PAQR9: variants seen among roughly 807,000 people sequenced by gnomAD.
PAQR9 encodes the protein progestin and adipoQ receptor family member 9.
PAQR9 carries 12 observed loss-of-function variants against 24.0 expected under a neutral mutation model. That is an observed-to-expected ratio of 0.50 (90% CI 0.32 to 0.81). The LOEUF (loss-of-function observed/expected upper bound fraction) is 0.81. Ranked by LOEUF, PAQR9 falls within the 30% of genes least tolerant of loss-of-function variation. The probability of loss-of-function intolerance (pLI) is 0.03; values close to 1 mark genes in which losing one functional copy is unlikely to be tolerated. For synonymous variants in PAQR9, 266 were observed against 237.6 expected (o/e 1.12, Z -1.10); for missense variants, 418 against 520.8 (o/e 0.80, Z 1.92).
At chr3:142,950,795 C>G (rs1297441457), downstream of PAQR9, among the ~76,000 whole-genome samples, 1 of 152,106 alleles carries the variant, frequency 6.6e-6, no homozygotes, top group African/African-American at 2.4e-5. Context: ...CTAGCAGAAG[C>G]AGAGGGATGC....
At position 142,963,538 on chromosome 3, in the gene PAQR9, C is replaced by G; in HGVS notation, c.-202G>C. 1 of 994,746 alleles carries G rather than the reference C, an allele frequency of 1.0e-6. No homozygotes were observed. The highest frequency in any genetic ancestry group is 6.0e-5 in the Admixed American group (1 of 16,724). 61.6% of individuals were successfully genotyped at this position (994,746 alleles called of 1,614,324 possible). ...TAAGAGAATCAATTAATAGGCAGCGCTGCGACCGCCAGGAGCGCGGAGCGC... is the reference window on the plus strand; with the variant it reads ...TAAGAGAATCAATTAATAGGCAGCGGTGCGACCGCCAGGAGCGCGGAGCGC... On this transcript the variant is annotated 5_prime_UTR_variant, in exon 1 of 1. Coordinates refer to ENST00000340634, the MANE Select transcript of PAQR9 (RefSeq NM_198504.4).
In PAQR9 at chr3:142,959,044, T is replaced by C. The variant is rs2108241282; in HGVS notation, c.*3159A>G. Among the ~76,000 whole-genome samples the C allele has an allele frequency of 6.6e-6, 1 of 152,302 alleles. No homozygotes were observed. The highest frequency in any genetic ancestry group is 2.4e-5 in the African/African-American group (1 of 41,564). ...GCCGCTCCTTGAGATGTCATCCAGA[T>C]CATGACTAACAAGTAAAAATGAAAC... On this transcript the variant is annotated 3_prime_UTR_variant, in exon 1 of 1. Coordinates refer to ENST00000340634, the MANE Select transcript of PAQR9 (RefSeq NM_198504.4).
chr3:142,960,249 C>T lies in PAQR9; in HGVS notation c.*1954G>A, dbSNP rs1934866750. 6.6e-6 allele frequency: 1 copy of T among 152,210 alleles called. No individual in the cohort carries two copies. The highest frequency in any genetic ancestry group is 1.5e-5 in the Non-Finnish European group (1 of 68,036). The allele number at this position is 152,210 out of a possible 1,614,324, so 9.4% of individuals were successfully genotyped here. On this transcript the variant is annotated 3_prime_UTR_variant, in exon 1 of 1. Transcript: ENST00000340634. ...CTCCAGGGAATTGTGCTGAGCTTCT[C>T]TGTTTACAGAGAAGTGATTAAAAGC... is the stretch of plus-strand genomic sequence containing the variant.
At chr3:142,953,411 C>T (rs1457598888), downstream of PAQR9, among the ~76,000 whole-genome samples, 3 of 152,004 alleles carry the variant, frequency 2.0e-5, no homozygotes, top group East Asian at 3.8e-4. Flanking sequence ...TTAAGGAAAG[C>T]GTATATAAAA....
downstream of PAQR9, chr3:142,952,911 G>A: frequency 2.2e-6 from 1 of 455,302 alleles, no homozygotes; most frequent in South Asian, 1.6e-5. Context: ...GCAGATGAAG[G>A]GAAGTATGGG....
chr3:142,963,299 T>TTTG lies in PAQR9; in HGVS notation c.35_37dup (p.Thr12dup). The TTTG allele has an allele frequency of 7.0e-7, 1 of 1,430,570 alleles. No individual in the cohort carries two copies. The highest frequency in any genetic ancestry group is 9.1e-7 in the Non-Finnish European group (1 of 1,099,598). 88.6% of individuals were successfully genotyped at this position (1,430,570 alleles called of 1,614,324 possible). On this transcript the variant is annotated inframe_insertion, in exon 1 of 1. Coordinates refer to ENST00000340634, the MANE Select transcript of PAQR9 (RefSeq NM_198504.4). Reference sequence around the variant, plus strand: ...TGCCGGGGCCGGGGCCGGAGGGCCTTTTGTGCCCGCGCCCCGGGGCTGCAG... The same window carrying TTTG: ...TGCCGGGGCCGGGGCCGGAGGGCCTTTTGTTGTGCCCGCGCCCCGGGGCTGCAG...
At position 142,963,635 on chromosome 3, in the gene PAQR9, C is replaced by T. The variant is rs1420834757; in HGVS notation, c.-299G>A. 5 of 684,014 alleles carry T rather than the reference C, an allele frequency of 7.3e-6. No individual in the cohort carries two copies. Among genetic ancestry groups the T allele is most frequent in the East Asian group, 1.4e-4 (1 of 7,358 alleles). 42.4% of individuals were successfully genotyped at this position (684,014 alleles called of 1,614,324 possible). The stretch of plus-strand genomic sequence containing the variant: ...GCCGCCCGCGCTGCGGCAGCGGCGG[C>T]GGCGCGGCTGACTGCGGCGGCAGCG... On this transcript the variant is annotated 5_prime_UTR_variant, in exon 1 of 1. Coordinates refer to ENST00000340634, the MANE Select transcript of PAQR9 (RefSeq NM_198504.4).
rs1934890301 is a variant in PAQR9, at chr3:142,961,544, G to T, written c.*659C>A. The T allele has an allele frequency of 6.5e-6, 1 of 153,414 alleles. No homozygotes were observed. Among genetic ancestry groups the T allele is most frequent in the Non-Finnish European group, 1.5e-5 (1 of 68,660 alleles). 9.5% of individuals were successfully genotyped at this position (153,414 alleles called of 1,614,324 possible). A position where few individuals can be genotyped will look rare whatever the true frequency, so the allele number is the denominator to read the frequency against. On this transcript the variant is annotated 3_prime_UTR_variant, in exon 1 of 1. Coordinates refer to ENST00000340634, the MANE Select transcript of PAQR9 (RefSeq NM_198504.4). ...AGTTCAAGTGTATGCAATGCAGAAG[G>T]CTGTGAAATTCAAAACTATGTGACA...
chr3:142,953,228 G>A (rs1195095550), downstream of PAQR9, among the ~76,000 whole-genome samples: 2 of 152,066 alleles, frequency 1.3e-5, no homozygotes, highest in Admixed American at 6.6e-5. Flanking sequence ...AGTTGGGGGT[G>A]GCTGAATGTC....
Position 142,962,274 on chromosome 3 carries a change from G to A in PAQR9, c.1063C>T (p.Leu355=), listed in dbSNP as rs1934909745. The A allele has an allele frequency of 1.2e-6, 2 of 1,614,078 alleles. No individual in the cohort carries two copies. The highest frequency in any genetic ancestry group is 1.3e-5 in the African/African-American group (1 of 74,946). ...ACCAGCCCCAGGCAGACCACCAGCA[G>A]CAGCATGTAGCCCACAGTACCCGAG... ...TFSGTVGYML[L]LVVCLGLVIR... is the part of the protein sequence containing the mutation. Residue 355 remains leucine, a synonymous_variant, in exon 1 of 1, where the codon CTG becomes TTG. Coordinates refer to ENST00000340634, the MANE Select transcript of PAQR9 (RefSeq NM_198504.4).
In PAQR9 at chr3:142,960,216, A is replaced by G. The variant is rs995925435; in HGVS notation, c.*1987T>C. ...TGTGCAAAGTAACACACACAAGGAT[A>G]CCGGTTCCTCCAGGGAATTGTGCTG... On this transcript the variant is annotated 3_prime_UTR_variant, in exon 1 of 1. Coordinates refer to ENST00000340634, the MANE Select transcript of PAQR9 (RefSeq NM_198504.4). Among the ~76,000 whole-genome samples the G allele has an allele frequency of 1.3e-5, 2 of 152,254 alleles. No individual in the cohort carries two copies. The highest frequency in any genetic ancestry group is 4.8e-5 in the African/African-American group (2 of 41,462).
chr3:142,963,428 T>C lies in PAQR9; in HGVS notation c.-92A>G, dbSNP rs1178680527. On this transcript the variant is annotated 5_prime_UTR_variant, in exon 1 of 1. Coordinates refer to ENST00000340634, the MANE Select transcript of PAQR9 (RefSeq NM_198504.4). Reference sequence around the variant, plus strand: ...CCCCCGCCGGCCGCCGTCGGAGCCTTTGTGCCCACGCCGGGGGCGTCGCTG... The same window carrying C: ...CCCCCGCCGGCCGCCGTCGGAGCCTCTGTGCCCACGCCGGGGGCGTCGCTG... 1 of 1,057,656 alleles carries C rather than the reference T, an allele frequency of 9.5e-7. No homozygotes were observed. Among genetic ancestry groups the C allele is most frequent in the South Asian group, 4.5e-5 (1 of 22,032 alleles). The allele number at this position is 1,057,656 out of a possible 1,614,324, so 65.5% of individuals were successfully genotyped here. A position where few individuals can be genotyped will look rare whatever the true frequency, so the allele number is the denominator to read the frequency against.
upstream of PAQR9, chr3:142,963,833 CCT>C (rs1426994600): frequency 7.1e-6 from 7 of 985,172 alleles, no homozygotes; most frequent in South Asian, 9.4e-5. Flanking sequence ...AGAGTTGTCC[CCT>C]GTCTCGAGTT....
rs1043690685 is a variant in PAQR9 at position 142,955,747 on chromosome 3, A to G, written c.*6456T>C. ...GAAAAGAAAACTAGCCTGTTTGAAA[A>G]GTAGACCTTCTGTGCTAGGTTTTGC... On this transcript the variant is annotated 3_prime_UTR_variant, in exon 1 of 1. Coordinates refer to ENST00000340634, the MANE Select transcript of PAQR9 (RefSeq NM_198504.4). Among the ~76,000 whole-genome samples the G allele has an allele frequency of 6.6e-6, 1 of 152,232 alleles. No individual in the cohort carries two copies. The highest frequency in any genetic ancestry group is 1.5e-5 in the Non-Finnish European group (1 of 68,050).
rs1934902672 is a variant in PAQR9, at chr3:142,962,118, A to G, written c.*85T>C. ...TTCCTTGAGCAAAGAAGAAAACACA[A>G]TGAAATTTGAAAACAAACCAACAAT... is the stretch of plus-strand genomic sequence containing the variant. On this transcript the variant is annotated 3_prime_UTR_variant, in exon 1 of 1. Coordinates refer to ENST00000340634, the MANE Select transcript of PAQR9 (RefSeq NM_198504.4). The G allele has an allele frequency of 6.9e-7, 1 of 1,441,570 alleles. No homozygotes were observed. Among genetic ancestry groups the G allele is most frequent in the Non-Finnish European group, 9.5e-7 (1 of 1,054,042 alleles). The allele number at this position is 1,441,570 out of a possible 1,614,324, so 89.3% of individuals were successfully genotyped here. A position where few individuals can be genotyped will look rare whatever the true frequency, so the allele number is the denominator to read the frequency against.
chr3:142,954,718 A>G lies in PAQR9; in HGVS notation c.*7485T>C, dbSNP rs1934765800. Among the ~76,000 whole-genome samples, 1 of 152,250 alleles carries G rather than the reference A, an allele frequency of 6.6e-6. No individual in the cohort carries two copies. The highest frequency in any genetic ancestry group is 2.4e-5 in the African/African-American group (1 of 41,466). ...TCTCAGGAAACCAAAATCATAGCAA[A>G]TCATACAACAGAAATGTGTCACATT... On this transcript the variant is annotated 3_prime_UTR_variant, in exon 1 of 1. Transcript: ENST00000340634.
Position 142,961,891 on chromosome 3 carries a change from G to A in PAQR9, c.*312C>T, listed in dbSNP as rs79817538. On this transcript the variant is annotated 3_prime_UTR_variant, in exon 1 of 1. Coordinates refer to ENST00000340634, the MANE Select transcript of PAQR9 (RefSeq NM_198504.4). ...AGATGATTGGAAAAGCAAACTCTTT[G>A]GGGCTTTATTTGGGATTTTACTCAC... The A allele has an allele frequency of 3.9e-5, 14 of 357,228 alleles. No individual in the cohort carries two copies. Among genetic ancestry groups the A allele is most frequent in the South Asian group, 2.3e-4 (9 of 38,348 alleles). The allele number at this position is 357,228 out of a possible 1,614,324, so 22.1% of individuals were successfully genotyped here.
upstream of PAQR9, chr3:142,963,748 G>A (rs1489778736): frequency 3.9e-5 from 36 of 913,528 alleles, no homozygotes; most frequent in East Asian, 2.4e-4. Context: ...GAGCCGAGGC[G>A]CGGAGGGAGG....
downstream of PAQR9, chr3:142,952,828 GTGATT>G (rs1268301146): frequency 2.2e-6 from 1 of 456,572 alleles, no homozygotes; most frequent in African/African-American, 2.0e-5. Context: ...CCAATCTTCC[GTGATT>G]TGTCCCCTTG....
Sources: allele counts gnomAD v4.1 joint callset (sites outside exome capture counted in the v4.1 genomes callset), GRCh38; gene constraint gnomAD v4.1.1; transcripts MANE v1.5; gene names NCBI Gene and HGNC (gene_info 2026-07-23, HGNC 2026-07-21).